Variants in ANK3 observed in about 807,000 individuals in gnomAD.
ANK3 encodes the protein ankyrin-3.
Under a neutral mutation model 370.9 loss-of-function variants are expected in ANK3, and 57 were observed. The ratio of observed to expected loss-of-function variants is 0.15; its 90% CI spans 0.12 to 0.19. ANK3 has a LOEUF of 0.19. Ranked by LOEUF, ANK3 falls within the 10% of genes least tolerant of loss-of-function variation. The pLI, the probability that ANK3 is intolerant of heterozygous loss-of-function variation, is 1.00. For synonymous variants in ANK3, 1,929 were observed against 1,946.3 expected (o/e 0.99, Z 0.23); for missense variants, 4,439 against 5,302.1 (o/e 0.84, Z 5.06).
chr10:60,475,251 G>A (rs1177076265), intron 2 of ANK3, among the ~76,000 whole-genome samples: 1 of 145,534 alleles, frequency 6.9e-6, no homozygotes, highest in Non-Finnish European at 1.6e-5. Context: ...AGCCATCTAT[G>A]ACCATAATCC....
At chr10:60,488,948 C>T (rs1002165102) in intron 2 of ANK3, among the ~76,000 whole-genome samples, 3 of 152,146 alleles carry the variant, frequency 2.0e-5, no homozygotes, top group Non-Finnish European at 1.5e-5. Context: ...GGAAATTTTG[C>T]TCATTTTCAT....
intron 2 of ANK3, among the ~76,000 whole-genome samples, chr10:60,592,634 G>A (rs1478028135): frequency 6.6e-6 from 1 of 152,110 alleles, no homozygotes; most frequent in Non-Finnish European, 1.5e-5. Context: ...CTTGGTGGCA[G>A]TCACCTGTAA....
intron 17 of ANK3, among the ~76,000 whole-genome samples, chr10:60,182,207 C>T (rs2096213204): frequency 6.6e-6 from 1 of 151,932 alleles, no homozygotes; most frequent in Non-Finnish European, 1.5e-5. Flanking sequence ...AATATTTTCT[C>T]CATATTAATT....
intron 1 of ANK3, among the ~76,000 whole-genome samples, chr10:60,692,972 G>A (rs1015217405): frequency 1.3e-5 from 2 of 152,198 alleles, no homozygotes; most frequent in East Asian, 3.9e-4. Context: ...GGTGATTTCT[G>A]CATTTCCATC....
chr10:60,307,737 A>G (rs1033327624), intron 1 of ANK3, among the ~76,000 whole-genome samples: 1 of 152,200 alleles, frequency 6.6e-6, no homozygotes, highest in African/African-American at 2.4e-5. Flanking sequence ...CACATGCCCC[A>G]GAAGAGTCCA....
chr10:60,658,251 C>G (rs1167218133), intron 1 of ANK3, among the ~76,000 whole-genome samples: 1 of 150,302 alleles, frequency 6.7e-6, no homozygotes, highest in African/African-American at 2.4e-5. Context: ...CCTTTTTGTT[C>G]CTTTATTCCT....
intron 5 of ANK3, among the ~76,000 whole-genome samples, chr10:60,266,288 C>G (rs745313214): frequency 1.3e-5 from 2 of 152,112 alleles, no homozygotes; most frequent in Non-Finnish European, 1.5e-5. Context: ...ATACATGTAT[C>G]TAATGTGTAC....
intron 1 of ANK3, among the ~76,000 whole-genome samples, chr10:60,643,730 GTT>G: frequency 6.6e-6 from 1 of 152,060 alleles, no homozygotes; most frequent in Non-Finnish European, 1.5e-5. Flanking sequence ...AAGCCCAGTG[GTT>G]AATCCACAAA....
intron 2 of ANK3, among the ~76,000 whole-genome samples, chr10:60,469,065 G>GTGTATATATATATA (rs1567066355): frequency 4.1e-5 from 1 of 24,318 alleles, no homozygotes; most frequent in African/African-American, 2.0e-4. Context: ...ACCACTTTTA[G>GTGTATATATATATA]TATATATATA....
intron 7 of ANK3, among the ~76,000 whole-genome samples, chr10:60,248,932 G>T (rs2097598866): frequency 1.3e-5 from 2 of 152,178 alleles, no homozygotes; most frequent in African/African-American, 4.8e-5. Flanking sequence ...AGAAAATGTT[G>T]CCGAGAAACA....
chr10:60,209,423 T>C (rs1424584200), intron 9 of ANK3, among the ~76,000 whole-genome samples: 1 of 152,290 alleles, frequency 6.6e-6, no homozygotes, highest in East Asian at 1.9e-4. Flanking sequence ...TTGTTAACCA[T>C]TCTAACGGCA....
chr10:60,697,455 A>C (rs1022679343), intron 1 of ANK3, among the ~76,000 whole-genome samples: 1 of 147,866 alleles, frequency 6.8e-6, no homozygotes, highest in African/African-American at 2.5e-5. Flanking sequence ...AGTCAATCCT[A>C]AGCCAAAAGA....
At chr10:60,472,285 A>G (rs2065238619) in intron 2 of ANK3, among the ~76,000 whole-genome samples, 1 of 152,166 alleles carries the variant, frequency 6.6e-6, no homozygotes, top group Admixed American at 6.6e-5. Flanking sequence ...TCCTCATGCT[A>G]TTATTTGAGA....
At chr10:60,424,079 A>G (rs950826) in intron 2 of ANK3, among the ~76,000 whole-genome samples, 54,620 of 151,906 alleles carry the variant, frequency 0.36, 10,213 homozygotes, top group South Asian at 0.43. Context: ...TGATAAAATC[A>G]GAGGACAACA....
chr10:60,218,758 T>A (rs1334075193), intron 8 of ANK3, among the ~76,000 whole-genome samples: 1 of 152,090 alleles, frequency 6.6e-6, no homozygotes, highest in Non-Finnish European at 1.5e-5. Flanking sequence ...TTATTATGTG[T>A]CTCGGGGTTG....
rs577572936 is a variant in ANK3 at position 60,164,816 on chromosome 10, G to A, written c.2614+1775C>T. Among the ~76,000 whole-genome samples, 49 of 152,290 alleles carry A rather than the reference G, an allele frequency of 3.2e-4. No individual in the cohort carries two copies. In the South Asian group the frequency reaches 0.01, roughly 32 times the overall value. The stretch of plus-strand genomic sequence containing the variant: ...TTGCTCAGACTGAGTGACCTTTAAG[G>A]AATCCTTTTCAACATTAAATTCGGC... On this transcript the variant is annotated intron_variant, in intron 23 of 43. Coordinates refer to ENST00000280772, the MANE Select transcript of ANK3 (RefSeq NM_020987.5).
chr10:60,372,763 A>G (rs1051337378), intron 1 of ANK3, among the ~76,000 whole-genome samples: 2 of 152,198 alleles, frequency 1.3e-5, no homozygotes, highest in South Asian at 2.1e-4. Flanking sequence ...AATTTTCCAT[A>G]CAACTCTGCC....
chr10:60,339,971 C>T (rs912580798), intron 1 of ANK3, among the ~76,000 whole-genome samples: 6 of 152,176 alleles, frequency 3.9e-5, no homozygotes, highest in African/African-American at 1.4e-4. Flanking sequence ...TTGATGCCTC[C>T]CTTGAAATGT....
chr10:60,583,511 G>GTTTTTTTTTTTT lies in ANK3; in HGVS notation c.96+31674_96+31675insAAAAAAAAAAAA, dbSNP rs750384975. On this transcript the variant is annotated intron_variant, in intron 2 of 43. Transcript: ENST00000373827. ...CATATAGCTTACAGAGAGGTTTTTT[G>GTTTTTTTTTTTT]TTTTTTGTTTTTTGTTTTTTTTTGA... is the stretch of plus-strand genomic sequence containing the variant. Among the ~76,000 whole-genome samples the GTTTTTTTTTTTT allele has an allele frequency of 5.0e-5, 5 of 100,078 alleles. 1 individual carries two copies. Among genetic ancestry groups the GTTTTTTTTTTTT allele is most frequent in the Non-Finnish European group, 2.2e-5 (1 of 45,924 alleles). 65.7% of individuals were successfully genotyped at this position (100,078 alleles called of 152,430 possible).
Sources: gnomAD v4.1 joint callset for allele counts (sites outside exome capture counted in the v4.1 genomes callset) on GRCh38, gnomAD v4.1.1 for gene constraint, MANE v1.5 for transcripts, NCBI Gene and HGNC (gene_info 2026-07-23, HGNC 2026-07-21) for gene names.